Variants in DDC observed in about 807,000 individuals in gnomAD.
DDC encodes the protein dopa decarboxylase.
A neutral mutation model predicts 60.0 loss-of-function variants in DDC; 43 were observed. The observed-to-expected ratio is 0.72, with a 90% CI of 0.56 to 0.92. DDC has a LOEUF of 0.92. Ranked by LOEUF, DDC falls within the 40% of genes least tolerant of loss-of-function variation. The probability of loss-of-function intolerance (pLI) is 0.00; values close to 1 mark genes in which losing one functional copy is unlikely to be tolerated. For synonymous variants in DDC, 232 were observed against 234.6 expected, an observed-to-expected ratio of 0.99 and a Z score of 0.10; for missense variants, 573 against 620.2, an observed-to-expected ratio of 0.92 and a Z score of 0.81.
chr7:50,527,974 G>A (rs528343222), intron 6 of DDC, 163 bp downstream of exon 6: 2 of 712,324 alleles, frequency 2.8e-6, no homozygotes, highest in South Asian at 3.7e-5. Context: ...TCGGCTCACT[G>A]CAACCTCCGC....
intron 10 of DDC, among the ~76,000 whole-genome samples, chr7:50,477,982 G>A (rs757940005): frequency 7.9e-5 from 12 of 151,636 alleles, no homozygotes; most frequent in African/African-American, 2.7e-4. Flanking sequence ...CAGGCAAATC[G>A]CTTGAGCTCA....
At chr7:50,519,792 T>C (rs569471873) in intron 6 of DDC, among the ~76,000 whole-genome samples, 1 of 152,186 alleles carries the variant, frequency 6.6e-6, no homozygotes, top group East Asian at 1.9e-4. Context: ...GTGCAGTGTA[T>C]ACTGCTCAGT....
At chr7:50,543,579 C>T (rs1326617859) in intron 2 of DDC, 3 of 423,140 alleles carry the variant, frequency 7.1e-6, no homozygotes, top group African/African-American at 2.0e-5. Flanking sequence ...TATGAGGACA[C>T]GCTCTATGTA....
intron 9 of DDC, among the ~76,000 whole-genome samples, chr7:50,493,836 G>A (rs1228304869): frequency 6.6e-6 from 1 of 151,846 alleles, no homozygotes; most frequent in Non-Finnish European, 1.5e-5. Context: ...AACAGGAAAA[G>A]GTCAAACGGG....
chr7:50,461,413 C>CA (rs2042270496), intron 14 of DDC, among the ~76,000 whole-genome samples: 1 of 152,212 alleles, frequency 6.6e-6, no homozygotes, highest in South Asian at 2.1e-4. Flanking sequence ...AACATACATG[C>CA]ATTAGGACTT....
intron 7 of DDC, among the ~76,000 whole-genome samples, chr7:50,503,584 A>C (rs916257616): frequency 6.6e-5 from 10 of 152,206 alleles, no homozygotes; most frequent in African/African-American, 2.4e-4. Context: ...TTCCAAAAAA[A>C]GGTGAAAAAG....
chr7:50,467,349 A>T (rs1413068884), intron 12 of DDC, 34 bp from the exon 13 acceptor site: 11 of 1,562,924 alleles, frequency 7.0e-6, no homozygotes, highest in Non-Finnish European at 9.7e-6. Flanking sequence ...TGTTTTTCTC[A>T]TGGCCATTTA....
intron 4 of DDC, among the ~76,000 whole-genome samples, chr7:50,530,043 G>A (rs2044153680): frequency 6.6e-6 from 1 of 152,070 alleles, no homozygotes; most frequent in African/African-American, 2.4e-5. Flanking sequence ...GATCACTTGA[G>A]CCCCGGAGTT....
intron 9 of DDC, among the ~76,000 whole-genome samples, chr7:50,488,069 C>T (rs1213218662): frequency 2.0e-5 from 3 of 151,854 alleles, no homozygotes; most frequent in Non-Finnish European, 4.4e-5. Flanking sequence ...AGGTAAACAC[C>T]TGAAATTCGC....
In DDC at chr7:50,495,342, A is replaced by G; in HGVS notation, c.944+8T>C. 1 of 1,609,784 alleles carries G rather than the reference A, an allele frequency of 6.2e-7. No individual in the cohort carries two copies. Among genetic ancestry groups the G allele is most frequent in the African/African-American group, 1.3e-5 (1 of 74,972 alleles). On this transcript the variant is annotated splice_region_variant and intron_variant, in intron 9 of 14. Coordinates refer to ENST00000444124, the MANE Select transcript of DDC (RefSeq NM_001082971.2). ...AGGCAACTGACATCTGTGAGCAGGGAAACTTACCACATGGCAGAACAGTCA... is the reference window on the plus strand; with the variant it reads ...AGGCAACTGACATCTGTGAGCAGGGGAACTTACCACATGGCAGAACAGTCA...
At chr7:50,513,202 C>A (rs1200759221) in intron 6 of DDC, among the ~76,000 whole-genome samples, 1 of 152,210 alleles carries the variant, frequency 6.6e-6, no homozygotes, top group Non-Finnish European at 1.5e-5. Flanking sequence ...CTCTCCTGAA[C>A]ACACACCCCC....
intron 11 of DDC, 81 bp downstream of exon 11, chr7:50,476,543 G>T: frequency 7.9e-7 from 1 of 1,262,514 alleles, no homozygotes; most frequent in Non-Finnish European, 1.2e-6. Context: ...ATGAGAGTGG[G>T]GGAGGAGATG....
At chr7:50,479,032 CA>C (rs1429276854) in intron 10 of DDC, among the ~76,000 whole-genome samples, 5 of 152,116 alleles carry the variant, frequency 3.3e-5, no homozygotes, top group African/African-American at 7.2e-5. Context: ...TTTCAGTTAT[CA>C]AAAAAATTCT....
intron 9 of DDC, among the ~76,000 whole-genome samples, chr7:50,493,634 A>C (rs2153538652): frequency 6.6e-6 from 1 of 152,316 alleles, no homozygotes; most frequent in South Asian, 2.1e-4. Flanking sequence ...ACAAGAATAC[A>C]AAAGAATACT....
At chr7:50,489,381 C>G (rs1456142309) in intron 9 of DDC, among the ~76,000 whole-genome samples, 1 of 152,178 alleles carries the variant, frequency 6.6e-6, no homozygotes, top group Non-Finnish European at 1.5e-5. Context: ...ACAGGATGCA[C>G]TCTTCCTATG....
chr7:50,504,791 C>T (rs1216675204), intron 6 of DDC, among the ~76,000 whole-genome samples: 1 of 152,132 alleles, frequency 6.6e-6, no homozygotes, highest in Admixed American at 6.5e-5. Flanking sequence ...GAGTCTCCCT[C>T]CAGCAGGGCC....
chr7:50,469,796 T>G (rs140532649), intron 12 of DDC, among the ~76,000 whole-genome samples: 1 of 152,054 alleles, frequency 6.6e-6, no homozygotes, highest in Non-Finnish European at 1.5e-5. Flanking sequence ...CTGACCAACA[T>G]GGTGAAACCC....
At chr7:50,473,731 T>C (rs1167316143) in intron 11 of DDC, among the ~76,000 whole-genome samples, 1 of 152,182 alleles carries the variant, frequency 6.6e-6, no homozygotes, top group Non-Finnish European at 1.5e-5. Context: ...CTGCCAGCCA[T>C]AGTGCCAGGG....
At chr7:50,523,351 C>G (rs908650201) in intron 6 of DDC, among the ~76,000 whole-genome samples, 1 of 152,144 alleles carries the variant, frequency 6.6e-6, no homozygotes, top group East Asian at 1.9e-4. Context: ...AACTTCTGCT[C>G]TGCAAAAGAC....
Sources: gnomAD v4.1 joint callset for allele counts (sites outside exome capture counted in the v4.1 genomes callset) on GRCh38, gnomAD v4.1.1 for gene constraint, MANE v1.5 for transcripts, NCBI Gene and HGNC (gene_info 2026-07-23, HGNC 2026-07-21) for gene names.